FAM149B1: variants seen among roughly 807,000 people sequenced by gnomAD.
FAM149B1 encodes the protein primary cilium assembly protein FAM149B1.
A neutral mutation model predicts 75.3 loss-of-function variants in FAM149B1; 56 were observed. The ratio of observed to expected loss-of-function variants is 0.74; its 90% CI spans 0.60 to 0.93. FAM149B1 has a LOEUF of 0.93. FAM149B1 is among the 40% of genes least tolerant of loss of function. The probability of loss-of-function intolerance (pLI) is 0.00; values close to 1 mark genes in which losing one functional copy is unlikely to be tolerated. For synonymous variants in FAM149B1, 259 were observed against 256.1 expected, an observed-to-expected ratio of 1.01 and a Z score of -0.11; for missense variants, 639 against 708.4, an observed-to-expected ratio of 0.90 and a Z score of 1.11.
chr10:73,219,949 A>C (rs752492506), intron 7 of FAM149B1, among the ~76,000 whole-genome samples: 16 of 152,100 alleles, frequency 1.1e-4, no homozygotes, highest in African/African-American at 3.6e-4. Context: ...AGACATTATC[A>C]AGGAAGCGAA....
intron 7 of FAM149B1, among the ~76,000 whole-genome samples, chr10:73,213,985 A>C (rs563768662): frequency 2.6e-5 from 4 of 152,120 alleles, no homozygotes; most frequent in East Asian, 3.8e-4. Flanking sequence ...TGTATCATCT[A>C]TGAATTCTTT....
intron 11 of FAM149B1, 78 bp downstream of exon 11, chr10:73,235,018 T>C: frequency 6.6e-7 from 1 of 1,505,942 alleles, no homozygotes; most frequent in Non-Finnish European, 9.0e-7. Flanking sequence ...ATCTGTGCCC[T>C]GATCTTGATT....
intron 3 of FAM149B1, among the ~76,000 whole-genome samples, chr10:73,188,808 A>AGGAAGGAAGGAAGGAG (rs1290348939): frequency 6.7e-6 from 1 of 149,166 alleles, no homozygotes; most frequent in Non-Finnish European, 1.5e-5. Context: ...GAAGGAAGGA[A>AGGAAGGAAGGAAGGAG]GGAAAGGACA....
At chr10:73,169,636 T>A (rs1262760916) in intron 1 of FAM149B1, among the ~76,000 whole-genome samples, 1 of 151,846 alleles carries the variant, frequency 6.6e-6, no homozygotes, top group African/African-American at 2.4e-5. Context: ...AAAAAAAAAT[T>A]TTTTTTTGGT....
chr10:73,173,644 C>T (rs568030942), intron 1 of FAM149B1, among the ~76,000 whole-genome samples: 4 of 152,254 alleles, frequency 2.6e-5, no homozygotes, highest in South Asian at 4.1e-4. Context: ...CTTTTGACTC[C>T]CCAGAACTTA....
intron 5 of FAM149B1, among the ~76,000 whole-genome samples, chr10:73,198,754 G>A (rs58768298): frequency 0.15 from 23,431 of 152,064 alleles, 2,962 homozygotes; most frequent in African/African-American, 0.32. Flanking sequence ...GCAGTGAGTC[G>A]AGTTCGCACC....
At chr10:73,171,162 G>A (rs1257754549) in intron 1 of FAM149B1, among the ~76,000 whole-genome samples, 1 of 152,050 alleles carries the variant, frequency 6.6e-6, no homozygotes, top group Non-Finnish European at 1.5e-5. Context: ...CCCCAGGCTG[G>A]TCTTGAACTC....
intron 8 of FAM149B1, among the ~76,000 whole-genome samples, chr10:73,228,567 T>C (rs181008020): frequency 6.6e-6 from 1 of 152,076 alleles, no homozygotes; most frequent in Non-Finnish European, 1.5e-5. Flanking sequence ...TTCCTTCCTT[T>C]TTCTCTCAAC....
At chr10:73,183,465 T>C (rs1194368932) in intron 3 of FAM149B1, 1 of 152,220 alleles carries the variant, frequency 6.6e-6, no homozygotes, top group Non-Finnish European at 1.5e-5. Flanking sequence ...AGGTGAATTC[T>C]CTCATCCATT....
At chr10:73,200,115 G>C (rs1235554529) in intron 5 of FAM149B1, 1 of 169,978 alleles carries the variant, frequency 5.9e-6, no homozygotes, top group African/African-American at 2.4e-5. Context: ...GATTACCTGA[G>C]GTCAGGAGTT....
chr10:73,238,774 T>C (rs2043880391), intron 12 of FAM149B1: 1 of 152,354 alleles, frequency 6.6e-6, no homozygotes, highest in African/African-American at 2.4e-5. Flanking sequence ...CAGGATGTCA[T>C]ATATAGCTTT....
chr10:73,217,684 A>G (rs2043327392), intron 7 of FAM149B1, among the ~76,000 whole-genome samples: 1 of 152,242 alleles, frequency 6.6e-6, no homozygotes, highest in African/African-American at 2.4e-5. Context: ...CCTATATAAT[A>G]TAACGTGATC....
At chr10:73,186,386 T>C (rs1165091228) in intron 3 of FAM149B1, among the ~76,000 whole-genome samples, 1 of 152,168 alleles carries the variant, frequency 6.6e-6, no homozygotes, top group Non-Finnish European at 1.5e-5. Flanking sequence ...CGTTATTATA[T>C]GTAACAAGAA....
At chr10:73,169,792 G>T (rs1443762231) in intron 1 of FAM149B1, among the ~76,000 whole-genome samples, 1 of 152,016 alleles carries the variant, frequency 6.6e-6, no homozygotes, top group East Asian at 1.9e-4. Context: ...TGTAAAGTGG[G>T]TATGATTATC....
intron 5 of FAM149B1, among the ~76,000 whole-genome samples, chr10:73,197,766 C>CA (rs1043953319): frequency 6.1e-4 from 82 of 134,870 alleles, no homozygotes; most frequent in East Asian, 2.2e-3. Context: ...GAGACTGTCT[C>CA]AAAAAAAAAA....
chr10:73,204,697 G>T (rs2043011363), intron 5 of FAM149B1, among the ~76,000 whole-genome samples: 1 of 151,674 alleles, frequency 6.6e-6, no homozygotes, highest in South Asian at 2.1e-4. Flanking sequence ...TATATTTTGG[G>T]CAATGATGGA....
chr10:73,192,830 A>G, intron 4 of FAM149B1, 132 bp downstream of exon 4: 1 of 822,658 alleles, frequency 1.2e-6, no homozygotes, highest in Non-Finnish European at 1.7e-6. Flanking sequence ...GCCATGTGGT[A>G]TAAAGCCTTG....
intron 13 of FAM149B1, among the ~76,000 whole-genome samples, chr10:73,240,538 C>T (rs568700372): frequency 4.6e-5 from 7 of 152,148 alleles, no homozygotes; most frequent in African/African-American, 1.4e-4. Flanking sequence ...TGGTGAAACC[C>T]CATCTCTACT....
intron 7 of FAM149B1, among the ~76,000 whole-genome samples, chr10:73,218,808 A>G (rs2043348339): frequency 6.6e-6 from 1 of 152,172 alleles, no homozygotes; most frequent in South Asian, 2.1e-4. Context: ...AATTTTCAAA[A>G]TCATCAAGTC....
Sources: allele counts gnomAD v4.1 joint callset (sites outside exome capture counted in the v4.1 genomes callset), GRCh38; gene constraint gnomAD v4.1.1; transcripts MANE v1.5; gene names NCBI Gene and HGNC (gene_info 2026-07-23, HGNC 2026-07-21).